SCUBE1: variants seen among roughly 807,000 people sequenced by gnomAD.
SCUBE1 encodes the protein signal peptide, CUB and EGF-like domain-containing protein 1.
In SCUBE1, 59 loss-of-function variants were observed where a neutral mutation model predicts 124.4. The ratio of observed to expected loss-of-function variants is 0.47; its 90% CI spans 0.38 to 0.59. SCUBE1 has a LOEUF of 0.59. SCUBE1 is among the 20% of genes least tolerant of loss of function. The pLI is 0.00. For missense variants in SCUBE1, 1,150 were observed against 1,371.2 expected (o/e 0.84, Z 2.55); for synonymous variants, 545 against 550.9 (o/e 0.99, Z 0.15).
intron 4 of SCUBE1, among the ~76,000 whole-genome samples, chr22:43,266,590 T>C (rs113895600): frequency 0.017 from 2,534 of 152,194 alleles, 81 homozygotes; most frequent in African/African-American, 0.059. Context: ...AGATGGGAAA[T>C]CAATGTCCCA....
chr22:43,277,131 G>A (rs1014685129), intron 4 of SCUBE1, among the ~76,000 whole-genome samples: 1 of 140,668 alleles, frequency 7.1e-6, no homozygotes, highest in Non-Finnish European at 1.5e-5. Context: ...GGAGGTGTGC[G>A]GGGAAAAGGT....
intron 6 of SCUBE1, among the ~76,000 whole-genome samples, chr22:43,248,141 G>A (rs1208510673): frequency 1.3e-5 from 2 of 152,242 alleles, no homozygotes; most frequent in Non-Finnish European, 2.9e-5. Flanking sequence ...AACAGGGCAG[G>A]CAGTGAGATG....
chr22:43,282,955 C>G (rs1019287052), intron 4 of SCUBE1: 4 of 152,254 alleles, frequency 2.6e-5, no homozygotes, highest in African/African-American at 9.7e-5. Context: ...CTCGGTCTCC[C>G]AAAGTTCTGG....
chr22:43,239,584 G>C (rs762958), intron 6 of SCUBE1, among the ~76,000 whole-genome samples: 37,081 of 152,274 alleles, frequency 0.24, 5,456 homozygotes, highest in Middle Eastern at 0.37. Context: ...AATTCAAAGG[G>C]GCTAGAGTGG....
chr22:43,219,801 C>T (rs536173828), intron 14 of SCUBE1, among the ~76,000 whole-genome samples: 3 of 152,148 alleles, frequency 2.0e-5, no homozygotes, highest in Non-Finnish European at 4.4e-5. Context: ...TAAGCCCTCC[C>T]GTGGGGGGCA....
In SCUBE1 at chr22:43,343,284, C is replaced by T. The variant is rs7286357; in HGVS notation, c.-23G>A. 0.053 allele frequency: 56,979 copies of T among 1,075,900 alleles called. 2,055 individuals are homozygous for T. Among genetic ancestry groups the T allele is most frequent in the African/African-American group, 0.18 (10,588 of 59,172 alleles). 66.6% of individuals were successfully genotyped at this position (1,075,900 alleles called of 1,614,324 possible). On this transcript the variant is annotated 5_prime_UTR_variant, in exon 1 of 22. Coordinates refer to ENST00000360835, the MANE Select transcript of SCUBE1 (RefSeq NM_173050.5). ...CATGCTCAATGCGGGCCCCGCTGGG[C>T]GTGCGGGCGTGCGGGGCGCGGGGAC...
intron 6 of SCUBE1, among the ~76,000 whole-genome samples, chr22:43,243,103 G>A (rs552403145): frequency 1.3e-4 from 20 of 152,346 alleles, no homozygotes; most frequent in African/African-American, 4.1e-4. Flanking sequence ...CACCGCACAC[G>A]CCACACACCC....
chr22:43,312,737 C>T (rs1018143049), intron 3 of SCUBE1, among the ~76,000 whole-genome samples: 3 of 152,164 alleles, frequency 2.0e-5, no homozygotes, highest in Non-Finnish European at 4.4e-5. Flanking sequence ...AAGGGGTGCC[C>T]GCTGGCCCTT....
intron 10 of SCUBE1, among the ~76,000 whole-genome samples, chr22:43,223,546 G>A (rs1296308241): frequency 2.6e-5 from 4 of 152,210 alleles, no homozygotes; most frequent in African/African-American, 9.7e-5. Flanking sequence ...AAGGAACGGC[G>A]CTAAATGAAC....
At chr22:43,279,092 A>G (rs529746448) in intron 4 of SCUBE1, among the ~76,000 whole-genome samples, 1 of 152,282 alleles carries the variant, frequency 6.6e-6, no homozygotes, top group South Asian at 2.1e-4. Context: ...CCAGGACTAG[A>G]GTCTGGGGTG....
At chr22:43,246,828 G>A (rs922865801) in intron 6 of SCUBE1, among the ~76,000 whole-genome samples, 3 of 152,230 alleles carry the variant, frequency 2.0e-5, no homozygotes, top group Non-Finnish European at 4.4e-5. Flanking sequence ...CTCCGGCAGT[G>A]ATGTGCTCCC....
chr22:43,338,009 T>G (rs542995117), intron 2 of SCUBE1, among the ~76,000 whole-genome samples: 1 of 152,296 alleles, frequency 6.6e-6, no homozygotes, highest in Admixed American at 6.5e-5. Flanking sequence ...TGTCTGAGCC[T>G]CAGCTTTCCT....
chr22:43,262,341 C>T (rs1194332729), intron 5 of SCUBE1, among the ~76,000 whole-genome samples: 1 of 152,188 alleles, frequency 6.6e-6, no homozygotes, highest in Non-Finnish European at 1.5e-5. Context: ...CACTTCAGAA[C>T]CATACTCTTT....
Position 43,319,920 on chromosome 22 carries a change from A to G in SCUBE1, c.349+17T>C. 1 of 1,613,032 alleles carries G rather than the reference A, an allele frequency of 6.2e-7. No individual in the cohort carries two copies. Among genetic ancestry groups the G allele is most frequent in the Non-Finnish European group, 8.5e-7 (1 of 1,179,320 alleles). The stretch of plus-strand genomic sequence containing the variant: ...GCAGGGTGTGCCCAGAGGGTAGGCT[A>G]CAGCTGTATCACTCACCCAGGCAGT... On this transcript the variant is annotated intron_variant, in intron 3 of 21. Coordinates refer to ENST00000360835, the MANE Select transcript of SCUBE1 (RefSeq NM_173050.5).
At chr22:43,334,162 A>G (rs1329297723) in intron 2 of SCUBE1, among the ~76,000 whole-genome samples, 1 of 152,254 alleles carries the variant, frequency 6.6e-6, no homozygotes, top group Non-Finnish European at 1.5e-5. Flanking sequence ...CATCTACTGC[A>G]AAAATGACTG....
chr22:43,298,264 C>T (rs887908401), intron 3 of SCUBE1, among the ~76,000 whole-genome samples: 11 of 152,214 alleles, frequency 7.2e-5, no homozygotes, highest in African/African-American at 7.2e-5. Flanking sequence ...CTGGCACAGG[C>T]GGCAGGAGGT....
Position 43,197,942 on chromosome 22 carries a change from G to A in SCUBE1, c.*6055C>T, listed in dbSNP as rs916774805. 2 of 152,378 alleles carry A rather than the reference G, an allele frequency of 1.3e-5. No individual in the cohort carries two copies. Among genetic ancestry groups the A allele is most frequent in the Non-Finnish European group, 2.9e-5 (2 of 68,184 alleles). The allele number at this position is 152,378 out of a possible 1,614,324, so 9.4% of individuals were successfully genotyped here. A position where few individuals can be genotyped will look rare whatever the true frequency, so the allele number is the denominator to read the frequency against. ...TGGACTCCACCGCCAGGGCTGACCT[G>A]GCCCAGTTTCCAATCTGTAAGCTTC... On this transcript the variant is annotated 3_prime_UTR_variant, in exon 22 of 22. Transcript: ENST00000360835.
intron 4 of SCUBE1, among the ~76,000 whole-genome samples, chr22:43,267,139 A>C (rs1253885901): frequency 6.6e-6 from 1 of 152,064 alleles, no homozygotes; most frequent in East Asian, 1.9e-4. Context: ...GGAAATCGGA[A>C]TAGTTGCTTC....
At chr22:43,208,044 AG>A in intron 20 of SCUBE1, 27 bp downstream of exon 20, 2 of 1,613,300 alleles carry the variant, frequency 1.2e-6, no homozygotes, top group Non-Finnish European at 8.5e-7. Context: ...AGCCGTGCAC[AG>A]TGGGCCGTGA....
Sources: gnomAD v4.1 joint callset for allele counts (sites outside exome capture counted in the v4.1 genomes callset) on GRCh38, gnomAD v4.1.1 for gene constraint, MANE v1.5 for transcripts, NCBI Gene and HGNC (gene_info 2026-07-23, HGNC 2026-07-21) for gene names.